Variants in PRR5L observed in about 807,000 individuals in gnomAD.
PRR5L encodes proline-rich protein 5-like.
PRR5L carries 21 observed loss-of-function variants against 36.4 expected under a neutral mutation model. That is an observed-to-expected ratio of 0.58 (90% CI 0.41 to 0.83). The LOEUF is 0.83. Ranked by LOEUF, PRR5L falls within the 40% of genes least tolerant of loss-of-function variation. The pLI is 0.00. For missense variants in PRR5L, 381 were observed against 473.3 expected (o/e 0.80, Z 1.81); for synonymous variants, 188 against 197.0 (o/e 0.95, Z 0.38).
chr11:36,310,867 T>C (rs138881095), intron 1 of PRR5L, among the ~76,000 whole-genome samples: 2,536 of 151,710 alleles, frequency 0.017, 31 homozygotes, highest in Non-Finnish European at 0.025. Context: ...CATGGTGGCG[T>C]GTGCCTGTAA....
chr11:36,422,943 C>T (rs991353570), intron 4 of PRR5L, among the ~76,000 whole-genome samples: 2 of 151,906 alleles, frequency 1.3e-5, no homozygotes, highest in African/African-American at 4.8e-5. Flanking sequence ...TGATATGAAA[C>T]GTTCTGGATT....
chr11:36,407,345 T>A (rs80150159), intron 3 of PRR5L, among the ~76,000 whole-genome samples: 1 of 152,274 alleles, frequency 6.6e-6, no homozygotes, highest in East Asian at 1.9e-4. Context: ...AATGAAAAGC[T>A]GGGCGTGATG....
At chr11:36,394,883 A>G (rs1422046359) in intron 1 of PRR5L, among the ~76,000 whole-genome samples, 1 of 152,160 alleles carries the variant, frequency 6.6e-6, no homozygotes, top group Non-Finnish European at 1.5e-5. Flanking sequence ...TTTTCTGCCT[A>G]CCACAGTGAG....
chr11:36,345,724 G>T (rs1460662444), intron 1 of PRR5L, among the ~76,000 whole-genome samples: 3 of 152,202 alleles, frequency 2.0e-5, no homozygotes, highest in Non-Finnish European at 4.4e-5. Context: ...GCAGTGGTAG[G>T]TGCCCCAGCC....
At chr11:36,403,194 C>T (rs1050908140) in intron 2 of PRR5L, 104 bp from the exon 3 acceptor site, 14 of 898,516 alleles carry the variant, frequency 1.6e-5, no homozygotes, top group South Asian at 9.1e-5. Context: ...CAGGTTTGTG[C>T]TATGAGCTTC....
intron 1 of PRR5L, among the ~76,000 whole-genome samples, chr11:36,339,589 A>G (rs180916225): frequency 6.6e-5 from 10 of 152,334 alleles, no homozygotes; most frequent in African/African-American, 2.4e-4. Flanking sequence ...TCTAGGAGGT[A>G]CACACCATTA....
intron 3 of PRR5L, among the ~76,000 whole-genome samples, chr11:36,404,841 T>G (rs965932488): frequency 6.6e-6 from 1 of 152,138 alleles, no homozygotes; most frequent in Non-Finnish European, 1.5e-5. Context: ...AAAAGATATC[T>G]AGCCCAAGGC....
At position 36,421,336 on chromosome 11, in the gene PRR5L, A is replaced by T. The variant is rs142403337; in HGVS notation, c.294+2033A>T. ...AGCCTTGAGGTTTTTGGGGGCGGTT[A>T]ATACTGCTTACGAAGCATGCCAGAT... On this transcript the variant is annotated intron_variant, in intron 4 of 8. Coordinates refer to ENST00000530639, the MANE Select transcript of PRR5L (RefSeq NM_001160167.2). 4.6e-5 allele frequency among the ~76,000 whole-genome samples: 7 copies of T among 152,288 alleles called. No individual in the cohort carries two copies. In the East Asian group the frequency reaches 1.2e-3, roughly 25 times the overall value.
At chr11:36,374,145 T>C (rs1857229413) in intron 1 of PRR5L, among the ~76,000 whole-genome samples, 1 of 150,512 alleles carries the variant, frequency 6.6e-6, no homozygotes, top group African/African-American at 2.4e-5. Context: ...TCTTGCTCTG[T>C]CTCCCAGGCT....
intron 1 of PRR5L, among the ~76,000 whole-genome samples, chr11:36,351,725 ATTT>A: frequency 4.2e-5 from 4 of 95,056 alleles, no homozygotes; most frequent in Admixed American, 1.6e-4. Context: ...ATATTTATAT[ATTT>A]TTTATATATT....
chr11:36,432,172 T>C (rs1590583331), intron 5 of PRR5L, among the ~76,000 whole-genome samples: 1 of 151,472 alleles, frequency 6.6e-6, no homozygotes, highest in African/African-American at 2.4e-5. Context: ...TGTTTTGTTT[T>C]TGTTTTTGTT....
intron 3 of PRR5L, among the ~76,000 whole-genome samples, chr11:36,416,110 C>T (rs201987163): frequency 3.9e-5 from 6 of 152,134 alleles, no homozygotes; most frequent in Non-Finnish European, 5.9e-5. Context: ...CCTGGATGAA[C>T]ATAATCTTTT....
At chr11:36,414,608 A>G (rs1384618757) in intron 3 of PRR5L, among the ~76,000 whole-genome samples, 6 of 140,502 alleles carry the variant, frequency 4.3e-5, no homozygotes, top group African/African-American at 1.4e-4. Context: ...GATTCTGGAT[A>G]TTAGCCCTTT....
intron 3 of PRR5L, among the ~76,000 whole-genome samples, chr11:36,410,203 T>C (rs1857995419): frequency 6.6e-6 from 1 of 152,146 alleles, no homozygotes; most frequent in African/African-American, 2.4e-5. Context: ...GGTTGGCGCA[T>C]GTGGTTTGGC....
At chr11:36,308,611 C>T (rs1172047201) in intron 1 of PRR5L, among the ~76,000 whole-genome samples, 1 of 152,192 alleles carries the variant, frequency 6.6e-6, no homozygotes, top group Non-Finnish European at 1.5e-5. Flanking sequence ...CTTGACCTCC[C>T]TTCGTGGGAA....
At chr11:36,408,472 A>G (rs1311853836) in intron 3 of PRR5L, among the ~76,000 whole-genome samples, 1 of 152,136 alleles carries the variant, frequency 6.6e-6, no homozygotes, top group East Asian at 1.9e-4. Context: ...TTCAGAATAG[A>G]CGTATTCTAG....
Position 36,462,407 on chromosome 11 carries a change from G to A in PRR5L, c.778G>A (p.Val260Ile), listed in dbSNP as rs374401846. The change falls in exon 9 of 9, where the codon GTC (valine) becomes ATC (isoleucine). Residue 260 changes from valine (V) to isoleucine (I), a missense_variant. Coordinates refer to ENST00000530639, the MANE Select transcript of PRR5L (RefSeq NM_001160167.2). ...VLNYASPITA[V>I]SRPLNEMVLT... ...GAACTATGCCTCCCCGATAACCGCAGTCAGCCGGCCACTGAATGAGATGGT... is the reference window on the plus strand; with the variant it reads ...GAACTATGCCTCCCCGATAACCGCAATCAGCCGGCCACTGAATGAGATGGT... 2 of 1,569,820 alleles carry A rather than the reference G, an allele frequency of 1.3e-6. No individual in the cohort carries two copies. The highest frequency in any genetic ancestry group is 3.6e-5 in the Admixed American group (2 of 56,146).
intron 1 of PRR5L, among the ~76,000 whole-genome samples, chr11:36,298,956 G>T (rs971908649): frequency 6.6e-5 from 10 of 152,168 alleles, no homozygotes; most frequent in Non-Finnish European, 1.5e-4. Context: ...ACCCTAAGGG[G>T]TTCATTTTAA....
rs192241191 is a variant in PRR5L at position 36,442,966 on chromosome 11, C to T, written c.445-3334C>T. 3.3e-3 allele frequency among the ~76,000 whole-genome samples: 505 copies of T among 152,312 alleles called. 1 individual carries two copies. Among genetic ancestry groups the T allele is most frequent in the African/African-American group, 0.012 (481 of 41,562 alleles). On this transcript the variant is annotated intron_variant, in intron 6 of 8. Coordinates refer to ENST00000530639, the MANE Select transcript of PRR5L (RefSeq NM_001160167.2). ...TGCTCATTACCCAGTTCCAGAGCTG[C>T]TTCCACACCTTCAGGTATCTTCATA...
Sources: allele counts gnomAD v4.1 joint callset (sites outside exome capture counted in the v4.1 genomes callset), GRCh38; gene constraint gnomAD v4.1.1; transcripts MANE v1.5; gene names NCBI Gene and HGNC (gene_info 2026-07-23, HGNC 2026-07-21).